The following TENM4 variants were observed in gnomAD, a reference collection of about 807,000 sequenced individuals.
TENM4 encodes the protein teneurin transmembrane protein 4.
Under a neutral mutation model 243.3 loss-of-function variants are expected in TENM4, and 82 were observed. That is an observed-to-expected ratio of 0.34 (90% CI 0.28 to 0.40). TENM4 has a LOEUF of 0.40. Ranked by LOEUF, TENM4 falls within the 10% of genes least tolerant of loss-of-function variation. The pLI is 1.00. For missense variants in TENM4, 3,138 were observed against 3,673.3 expected, an observed-to-expected ratio of 0.85 and a Z score of 3.77; for synonymous variants, 1,412 against 1,456.3, an observed-to-expected ratio of 0.97 and a Z score of 0.69.
At chr11:79,309,855 T>C (rs1413476611) in intron 1 of TENM4, among the ~76,000 whole-genome samples, 1 of 152,230 alleles carries the variant, frequency 6.6e-6, no homozygotes, top group Admixed American at 6.5e-5. Flanking sequence ...GTTTCCAGAA[T>C]GTGTCATCCT....
chr11:78,959,104 A>G (rs1478638171), intron 6 of TENM4, among the ~76,000 whole-genome samples: 1 of 152,194 alleles, frequency 6.6e-6, no homozygotes, highest in Non-Finnish European at 1.5e-5. Flanking sequence ...GCTCTCTGCT[A>G]CACTGTGGTC....
chr11:79,242,362 G>A (rs1195167071), intron 2 of TENM4, among the ~76,000 whole-genome samples: 1 of 151,940 alleles, frequency 6.6e-6, no homozygotes, highest in Non-Finnish European at 1.5e-5. Flanking sequence ...ATGACCAATA[G>A]TTTCCAAATA....
chr11:79,403,524 T>C (rs1235280715), intron 1 of TENM4, among the ~76,000 whole-genome samples: 2 of 152,154 alleles, frequency 1.3e-5, no homozygotes, highest in Non-Finnish European at 2.9e-5. Context: ...TGATACCCTT[T>C]CCATCTCCCA....
In TENM4 at chr11:78,722,674, T is replaced by C. The variant is rs547224784; in HGVS notation, c.3794A>G (p.Glu1265Gly). The change falls in exon 24 of 34, where the codon GAG becomes GGG. Residue 1265 changes from glutamate (E) to glycine (G), a missense_variant. Transcript: ENST00000278550. ...FPSGNVTNIL[E>G]LRNKDFRHSH... ...AAAGCATCACCTTACATACCTCAGC[T>C]CTAGGATGTTGGTGACATTTCCAGA... 15 of 1,613,180 alleles carry C rather than the reference T, an allele frequency of 9.3e-6. No homozygotes were observed. In the South Asian group the frequency reaches 1.5e-4, roughly 17 times the overall value.
At chr11:79,204,068 G>A (rs985839295) in intron 3 of TENM4, among the ~76,000 whole-genome samples, 7 of 152,280 alleles carry the variant, frequency 4.6e-5, no homozygotes, top group Non-Finnish European at 5.9e-5. Flanking sequence ...GCCTAGACCT[G>A]GCCAAAGCAG....
intron 11 of TENM4, among the ~76,000 whole-genome samples, chr11:78,854,546 AT>A (rs1858627556): frequency 1.3e-5 from 2 of 151,138 alleles, no homozygotes; most frequent in South Asian, 4.2e-4. Flanking sequence ...TTAGAGGATT[AT>A]TTTTTAGTCT....
intron 4 of TENM4, among the ~76,000 whole-genome samples, chr11:79,109,970 C>T (rs1861467339): frequency 6.6e-6 from 1 of 152,232 alleles, no homozygotes; most frequent in Non-Finnish European, 1.5e-5. Flanking sequence ...GCTTTCGTTA[C>T]TCCTTCCTTT....
chr11:78,805,277 T>TGCCCCCCCCCCCCCACCCCCC lies in TENM4; in HGVS notation c.2179+14_2179+15insGGGGGGTGGGGGGGGGGGGGC. On this transcript the variant is annotated intron_variant, in intron 15 of 33. Coordinates refer to ENST00000278550, the MANE Select transcript of TENM4 (RefSeq NM_001098816.3). Reference sequence around the variant, plus strand: ...CCCCTCCCTCTACCCATGCTTCTTCTCCCCCTGCATTTACCGATAGAACAG... The same window carrying TGCCCCCCCCCCCCCACCCCCC: ...CCCCTCCCTCTACCCATGCTTCTTCTGCCCCCCCCCCCCCACCCCCCCCCCCTGCATTTACCGATAGAACAG... 8 of 1,402,546 alleles carry TGCCCCCCCCCCCCCACCCCCC rather than the reference T, an allele frequency of 5.7e-6. No homozygotes were observed. Among genetic ancestry groups the TGCCCCCCCCCCCCCACCCCCC allele is most frequent in the Non-Finnish European group, 5.8e-6 (6 of 1,033,116 alleles). The allele number at this position is 1,402,546 out of a possible 1,614,324, so 86.9% of individuals were successfully genotyped here. A position where few individuals can be genotyped will look rare whatever the true frequency, so the allele number is the denominator to read the frequency against.
At chr11:78,675,147 A>G (rs1444894242) in intron 30 of TENM4, among the ~76,000 whole-genome samples, 1 of 152,152 alleles carries the variant, frequency 6.6e-6, no homozygotes, top group African/African-American at 2.4e-5. Flanking sequence ...GATTACAGGT[A>G]TGAGCTGCTG....
chr11:79,076,801 T>A (rs890930341), intron 4 of TENM4, among the ~76,000 whole-genome samples: 1 of 152,192 alleles, frequency 6.6e-6, no homozygotes, highest in African/African-American at 2.4e-5. Flanking sequence ...CTACTGTTAA[T>A]TGAACACCTC....
At chr11:78,668,712 T>C (rs1433278011) in intron 32 of TENM4, among the ~76,000 whole-genome samples, 1 of 152,164 alleles carries the variant, frequency 6.6e-6, no homozygotes. Context: ...ACTATGAAAA[T>C]GTAATAATGG....
chr11:78,658,382 G>T lies in TENM4; in HGVS notation c.7986C>A (p.Arg2662=). ...INTVLNGRTR[R]YTDIQLQYGA... ...CGTACTGGAGCTGGATGTCTGTGTAGCGTCTAGTCCTGCCATTAAGTACTG... is the reference window on the plus strand; with the variant it reads ...CGTACTGGAGCTGGATGTCTGTGTATCGTCTAGTCCTGCCATTAAGTACTG... The change falls in exon 34 of 34, where the codon CGC becomes CGA. Residue 2662 remains arginine, a synonymous_variant. Transcript: ENST00000278550. 1 of 1,614,066 alleles carries T rather than the reference G, an allele frequency of 6.2e-7. No individual in the cohort carries two copies. The highest frequency in any genetic ancestry group is 1.1e-5 in the South Asian group (1 of 91,090).
intron 32 of TENM4, among the ~76,000 whole-genome samples, chr11:78,667,303 T>C (rs751093623): frequency 2.7e-4 from 41 of 152,312 alleles, no homozygotes; most frequent in Non-Finnish European, 4.1e-4. Context: ...TGTGACAACA[T>C]GGAACTCTTC....
intron 14 of TENM4, among the ~76,000 whole-genome samples, chr11:78,809,754 C>CT (rs1415449828): frequency 2.6e-5 from 4 of 152,168 alleles, no homozygotes; most frequent in Non-Finnish European, 5.9e-5. Flanking sequence ...AAATAGTTAC[C>CT]TTTTTTCCCC....
At chr11:78,849,084 G>A (rs1440657571) in intron 12 of TENM4, among the ~76,000 whole-genome samples, 2 of 152,132 alleles carry the variant, frequency 1.3e-5, no homozygotes, top group African/African-American at 4.8e-5. Context: ...TTATGCTCCA[G>A]CCTGGCTCAC....
intron 1 of TENM4, among the ~76,000 whole-genome samples, chr11:79,374,917 C>T (rs775497072): frequency 3.9e-5 from 6 of 152,286 alleles, no homozygotes; most frequent in Non-Finnish European, 5.9e-5. Flanking sequence ...TTGGCTGCAA[C>T]GACGGGCAAG....
At chr11:79,132,436 TC>T (rs1301593757) in intron 4 of TENM4, among the ~76,000 whole-genome samples, 4 of 148,190 alleles carry the variant, frequency 2.7e-5, no homozygotes, top group Non-Finnish European at 6.0e-5. Context: ...AGACAGGTCA[TC>T]AAGACAGAAA....
chr11:79,300,077 C>G lies in TENM4; in HGVS notation c.-320-2534G>C, dbSNP rs7115344. On this transcript the variant is annotated intron_variant, in intron 1 of 33. Coordinates refer to ENST00000278550, the MANE Select transcript of TENM4 (RefSeq NM_001098816.3). ...ACCTGAGTCAGAATTAGTACCCCCT[C>G]CTCTGGCTTCCCTCAGGGCAACACT... Among the ~76,000 whole-genome samples the G allele has an allele frequency of 9.4e-3, 1,433 of 152,314 alleles. 19 individuals are homozygous for G. Among genetic ancestry groups the G allele is most frequent in the African/African-American group, 0.033 (1,368 of 41,564 alleles).
At chr11:79,165,256 C>T (rs1269038353) in intron 3 of TENM4, among the ~76,000 whole-genome samples, 1 of 152,122 alleles carries the variant, frequency 6.6e-6, no homozygotes, top group Non-Finnish European at 1.5e-5. Context: ...TACTTTCCCA[C>T]CAGCAGCATA....
Sources: gnomAD v4.1 joint callset for allele counts (sites outside exome capture counted in the v4.1 genomes callset) on GRCh38, gnomAD v4.1.1 for gene constraint, MANE v1.5 for transcripts, NCBI Gene and HGNC (gene_info 2026-07-23, HGNC 2026-07-21) for gene names.